Variants in RBFOX1 observed in about 807,000 individuals in gnomAD.
RBFOX1 encodes the protein RNA binding fox-1 homolog 1.
RBFOX1 carries 8 observed loss-of-function variants against 57.7 expected under a neutral mutation model. The ratio of observed to expected loss-of-function variants is 0.14; its 90% CI spans 0.08 to 0.25. RBFOX1 has a LOEUF of 0.25. Among genes scored for constraint, RBFOX1 ranks in the 10% least tolerant of loss-of-function variants. The pLI, the probability that RBFOX1 is intolerant of heterozygous loss-of-function variation, is 1.00. For synonymous variants in RBFOX1, 326 were observed against 222.4 expected, an observed-to-expected ratio of 1.47 and a Z score of -4.15; for missense variants, 611 against 548.5, an observed-to-expected ratio of 1.11 and a Z score of -1.14.
intron 2 of RBFOX1, among the ~76,000 whole-genome samples, chr16:5,571,247 G>T (rs1285450565): frequency 7.6e-6 from 1 of 132,302 alleles, no homozygotes; most frequent in Non-Finnish European, 1.6e-5. Context: ...TTGAGATGGA[G>T]TCACACTGTG....
chr16:6,737,337 A>G (rs1285198350), intron 3 of RBFOX1, among the ~76,000 whole-genome samples: 7 of 150,326 alleles, frequency 4.7e-5, no homozygotes, highest in African/African-American at 1.5e-4. Flanking sequence ...TAGAAGTATA[A>G]AAATGCATCA....
chr16:7,277,381 C>G (rs538504708), intron 4 of RBFOX1, among the ~76,000 whole-genome samples: 1 of 152,276 alleles, frequency 6.6e-6, no homozygotes, highest in South Asian at 2.1e-4. Context: ...CCTGAATTGC[C>G]TACCTCCATC....
chr16:5,415,258 C>T (rs749551503), intron 1 of RBFOX1, among the ~76,000 whole-genome samples: 2 of 152,084 alleles, frequency 1.3e-5, no homozygotes, highest in African/African-American at 4.8e-5. Context: ...GAGGAAGGCA[C>T]CTTCTTCACA....
intron 5 of RBFOX1, among the ~76,000 whole-genome samples, chr16:7,520,065 T>C (rs1419462472): frequency 6.6e-6 from 1 of 152,212 alleles, no homozygotes; most frequent in Middle Eastern, 3.4e-3. Context: ...TTTTGTATTT[T>C]TGGTAGAGAC....
At chr16:6,926,912 G>A (rs1220556485) in intron 3 of RBFOX1, among the ~76,000 whole-genome samples, 1 of 152,062 alleles carries the variant, frequency 6.6e-6, no homozygotes, top group African/African-American at 2.4e-5. Context: ...CTCCCTCAGG[G>A]CCTGGGTTTT....
At chr16:5,469,948 C>T (rs79361809) in intron 2 of RBFOX1, among the ~76,000 whole-genome samples, 1 of 152,126 alleles carries the variant, frequency 6.6e-6, no homozygotes, top group African/African-American at 2.4e-5. Flanking sequence ...AAAGAGTGTG[C>T]CACCATAAAC....
At chr16:6,487,623 AT>A (rs927431216) in intron 2 of RBFOX1, among the ~76,000 whole-genome samples, 3 of 147,206 alleles carry the variant, frequency 2.0e-5, no homozygotes, top group African/African-American at 7.6e-5. Context: ...AAAAGATACA[AT>A]TATAGTAGAA....
intron 3 of RBFOX1, among the ~76,000 whole-genome samples, chr16:5,706,190 C>T (rs567474321): frequency 1.3e-5 from 2 of 152,182 alleles, no homozygotes; most frequent in African/African-American, 2.4e-5. Flanking sequence ...GGATTACAGG[C>T]GTGGGCCATG....
At chr16:6,913,233 C>G (rs985312340) in intron 3 of RBFOX1, among the ~76,000 whole-genome samples, 1 of 152,058 alleles carries the variant, frequency 6.6e-6, no homozygotes, top group Non-Finnish European at 1.5e-5. Context: ...AAATTATTAT[C>G]TGTCCACCTA....
chr16:5,941,062 C>G (rs1328911350), intron 4 of RBFOX1, among the ~76,000 whole-genome samples: 3 of 152,032 alleles, frequency 2.0e-5, no homozygotes, highest in South Asian at 2.1e-4. Context: ...ATGATGCATG[C>G]AAATCCTGGA....
chr16:6,795,680 C>A (rs969043627), intron 3 of RBFOX1, among the ~76,000 whole-genome samples: 1 of 151,702 alleles, frequency 6.6e-6, no homozygotes, highest in African/African-American at 2.4e-5. Flanking sequence ...GCAGGAGAAT[C>A]GCTTGAAACC....
chr16:6,189,843 G>A (rs189324341), intron 1 of RBFOX1, among the ~76,000 whole-genome samples: 2 of 152,220 alleles, frequency 1.3e-5, no homozygotes, highest in African/African-American at 4.8e-5. Context: ...ATATTTTGTT[G>A]TGTAGAAGCT....
rs146246464 is a variant in RBFOX1, at chr16:5,630,145, T to G, written c.318+31184T>G. On this transcript the variant is annotated intron_variant, in intron 3 of 19. Coordinates refer to the RBFOX1 transcript ENST00000641259. ...AGAGGTATGGTGCCTTCTGCAGGAGTAGAGATCAAGGAGGAAGCATAGGCA... is the reference window on the plus strand; with the variant it reads ...AGAGGTATGGTGCCTTCTGCAGGAGGAGAGATCAAGGAGGAAGCATAGGCA... 5.1e-3 allele frequency among the ~76,000 whole-genome samples: 768 copies of G among 151,730 alleles called. 3 individuals are homozygous for G. Among genetic ancestry groups the G allele is most frequent in the Non-Finnish European group, 8.7e-3 (591 of 67,916 alleles).
At chr16:6,330,193 A>C (rs1266904407) in intron 2 of RBFOX1, among the ~76,000 whole-genome samples, 1 of 152,200 alleles carries the variant, frequency 6.6e-6, no homozygotes, top group African/African-American at 2.4e-5. Flanking sequence ...AGGGAAGTAA[A>C]GGAAGGAGAA....
intron 1 of RBFOX1, among the ~76,000 whole-genome samples, chr16:5,265,801 C>A (rs2062843657): frequency 6.6e-6 from 1 of 152,124 alleles, no homozygotes; most frequent in Admixed American, 6.5e-5. Context: ...GTTCGGGGGA[C>A]TGTGCTTTTA....
intron 4 of RBFOX1, among the ~76,000 whole-genome samples, chr16:7,174,306 T>C (rs1163517512): frequency 2.0e-5 from 3 of 152,218 alleles, no homozygotes; most frequent in Admixed American, 6.5e-5. Context: ...ATTTTGTTTA[T>C]CCATTTACCC....
chr16:6,685,407 C>A (rs79723912), intron 3 of RBFOX1, among the ~76,000 whole-genome samples: 1 of 148,894 alleles, frequency 6.7e-6, no homozygotes, highest in Non-Finnish European at 1.5e-5. Context: ...ACCTGAGTAG[C>A]TGAGATTACA....
chr16:5,578,243 C>T (rs2046536183), intron 2 of RBFOX1, among the ~76,000 whole-genome samples: 1 of 152,192 alleles, frequency 6.6e-6, no homozygotes, highest in African/African-American at 2.4e-5. Flanking sequence ...AGCTGCCGTG[C>T]CTGCCCTGGG....
At chr16:7,328,915 G>A (rs1357863506) in intron 4 of RBFOX1, 1 of 152,146 alleles carries the variant, frequency 6.6e-6, no homozygotes, top group South Asian at 2.1e-4. Flanking sequence ...GCCTGTTTTT[G>A]TATAATCTTC....
Sources: allele counts gnomAD v4.1 joint callset (sites outside exome capture counted in the v4.1 genomes callset), GRCh38; gene constraint gnomAD v4.1.1; transcripts MANE v1.5; gene names NCBI Gene and HGNC (gene_info 2026-07-23, HGNC 2026-07-21).